OGA: variants seen among roughly 807,000 people sequenced by gnomAD.
The protein encoded by OGA is protein O-GlcNAcase.
OGA carries 21 observed loss-of-function variants against 102.0 expected under a neutral mutation model. That is an observed-to-expected ratio of 0.21 (90% CI 0.15 to 0.30). The LOEUF (loss-of-function observed/expected upper bound fraction) is 0.30, where lower values mean the gene tolerates loss of function less well. OGA is among the 10% of genes least tolerant of loss of function. The pLI, the probability that OGA is intolerant of heterozygous loss-of-function variation, is 1.00. For missense variants in OGA, 765 were observed against 1,107.8 expected (o/e 0.69, Z 4.39); for synonymous variants, 408 against 378.2 (o/e 1.08, Z -0.91).
intron 9 of OGA, 97 bp from the exon 10 acceptor site, chr10:101,798,251 G>C: frequency 9.0e-7 from 1 of 1,107,380 alleles, no homozygotes; most frequent in African/African-American, 1.6e-5. Flanking sequence ...GTCAGGTACT[G>C]GCAATTTATC....
chr10:101,813,223 AAAGC>A, intron 2 of OGA, 96 bp from the exon 3 acceptor site: 1 of 818,472 alleles, frequency 1.2e-6, no homozygotes, highest in African/African-American at 1.7e-5. Context: ...CATCTCATAC[AAAGC>A]TAATATTCTA....
At chr10:101,794,546 T>A (rs1353546797) in intron 10 of OGA, among the ~76,000 whole-genome samples, 2 of 152,026 alleles carry the variant, frequency 1.3e-5, no homozygotes, top group Non-Finnish European at 2.9e-5. Context: ...ATGAGAAAAA[T>A]TTTTTTGGAC....
intron 1 of OGA, among the ~76,000 whole-genome samples, chr10:101,817,203 A>G (rs1370223605): frequency 6.6e-6 from 1 of 152,236 alleles, no homozygotes; most frequent in African/African-American, 2.4e-5. Flanking sequence ...CTAAATTCCA[A>G]TTACGCATCT....
intron 13 of OGA, 98 bp from the exon 14 acceptor site, chr10:101,791,186 G>A (rs766456769): frequency 6.6e-5 from 88 of 1,332,778 alleles, no homozygotes; most frequent in South Asian, 3.1e-4. Flanking sequence ...ATGAACTTAC[G>A]GAACCTACAT....
At chr10:101,807,936 A>G (rs2065497532) in intron 4 of OGA, 35 bp from the exon 5 acceptor site, 2 of 1,445,360 alleles carry the variant, frequency 1.4e-6, no homozygotes, top group African/African-American at 2.9e-5. Flanking sequence ...TCAAGAGTAA[A>G]AAAATTAAGA....
At position 101,818,371 on chromosome 10, in the gene OGA, T is replaced by C; in HGVS notation, c.-349A>G. The stretch of plus-strand genomic sequence containing the variant: ...GCTGCCCTCCCGATAATCTTAGGTC[T>C]TCCGCTGTTTCCCCTCCAAGCCCCG... On this transcript the variant is annotated 5_prime_UTR_variant, in exon 1 of 16. Transcript: ENST00000361464. 9.5e-7 allele frequency: 1 copy of C among 1,051,752 alleles called. No individual in the cohort carries two copies. Among genetic ancestry groups the C allele is most frequent in the Non-Finnish European group, 1.1e-6 (1 of 871,458 alleles). The allele number at this position is 1,051,752 out of a possible 1,614,324, so 65.2% of individuals were successfully genotyped here. A position where few individuals can be genotyped will look rare whatever the true frequency, so the allele number is the denominator to read the frequency against.
At chr10:101,812,989 T>C (rs199624073) in intron 3 of OGA, 41 bp downstream of exon 3, 351 of 1,397,784 alleles carry the variant, frequency 2.5e-4, no homozygotes, top group Non-Finnish European at 3.2e-4. Context: ...AACCGTTTTC[T>C]TCACAGATTT....
intron 15 of OGA, among the ~76,000 whole-genome samples, chr10:101,787,010 G>A (rs889700802): frequency 6.6e-6 from 1 of 151,576 alleles, no homozygotes; most frequent in African/African-American, 2.4e-5. Context: ...GCCTCCCAAA[G>A]TGCTGCGTGA....
intron 5 of OGA, among the ~76,000 whole-genome samples, chr10:101,807,360 G>A (rs535520838): frequency 1.4e-4 from 21 of 152,280 alleles, no homozygotes; most frequent in Middle Eastern, 3.4e-3. Flanking sequence ...AGTGCAAAAA[G>A]GGACAGATAT....
At chr10:101,807,944 AG>A in intron 4 of OGA, 43 bp from the exon 5 acceptor site, 1 of 1,424,624 alleles carries the variant, frequency 7.0e-7, no homozygotes, top group Non-Finnish European at 9.3e-7. Context: ...AAAAAAATTA[AG>A]AATTCCAAAC....
At position 101,792,836 on chromosome 10, in the gene OGA, T is replaced by A. The variant is rs1282453275; in HGVS notation, c.2175+3A>T. On this transcript the variant is annotated splice_donor_region_variant and intron_variant, in intron 12 of 15. Transcript: ENST00000361464. ...CCAAGTTGGTAGGTAGAGAGACAAT[T>A]ACCTCATCCTTAGGAAAATAAGGTC... The A allele has an allele frequency of 6.3e-7, 1 of 1,580,486 alleles. No homozygotes were observed. Among genetic ancestry groups the A allele is most frequent in the African/African-American group, 1.3e-5 (1 of 74,144 alleles).
rs755204627 is a variant in OGA at position 101,800,275 on chromosome 10, A to G, written c.1162T>C (p.Leu388=). ...TGATGAGGCACACCAAACTCTTGCA[A>G]CCATTCTGTTAATGCTAGCTTTAGA... ...MALKLALTEW[L]QEFGVPHQYS... is the part of the protein sequence containing the mutation. The change falls in exon 8 of 16, where the codon TTG becomes CTG. Residue 388 remains leucine, a synonymous_variant. Coordinates refer to ENST00000361464, the MANE Select transcript of OGA (RefSeq NM_012215.5). 22 of 1,614,018 alleles carry G rather than the reference A, an allele frequency of 1.4e-5. No homozygotes were observed. The highest frequency in any genetic ancestry group is 1.9e-5 in the Non-Finnish European group (22 of 1,180,004).
rs117343627 is a variant in OGA at position 101,814,065 on chromosome 10, C to T, written c.200-459G>A. The stretch of plus-strand genomic sequence containing the variant: ...AGGGGAGGCCGGGTGAGGTGACCCA[C>T]GCCTGTAATCCCAGCACTTTGGGAG... On this transcript the variant is annotated intron_variant, in intron 1 of 15. Coordinates refer to ENST00000361464, the MANE Select transcript of OGA (RefSeq NM_012215.5). Among the ~76,000 whole-genome samples the T allele has an allele frequency of 4.1e-3, 626 of 151,046 alleles. 3 individuals carry two copies. Among genetic ancestry groups the T allele is most frequent in the Non-Finnish European group, 6.7e-3 (456 of 67,654 alleles).
chr10:101,815,432 C>G (rs926688757), intron 1 of OGA, among the ~76,000 whole-genome samples: 2 of 152,054 alleles, frequency 1.3e-5, no homozygotes, highest in Non-Finnish European at 2.9e-5. Flanking sequence ...TTACAGGAGC[C>G]CGCCACCACG....
At chr10:101,793,629 T>G in intron 11 of OGA, 1 of 274,462 alleles carries the variant, frequency 3.6e-6, no homozygotes, top group Non-Finnish European at 7.1e-6. Flanking sequence ...CATTGTGCAT[T>G]GCGGGCGCAG....
intron 5 of OGA, among the ~76,000 whole-genome samples, chr10:101,806,398 GT>G (rs1370949264): frequency 6.6e-6 from 1 of 152,184 alleles, no homozygotes; most frequent in Non-Finnish European, 1.5e-5. Flanking sequence ...TAGAGATGGG[GT>G]TTCACCATGC....
chr10:101,810,692 T>TTA (rs2065542940), intron 3 of OGA, among the ~76,000 whole-genome samples: 1 of 152,218 alleles, frequency 6.6e-6, no homozygotes, highest in Admixed American at 6.5e-5. Context: ...CTTACTGAAC[T>TTA]TAAGCCATTT....
intron 10 of OGA, 111 bp downstream of exon 10, chr10:101,797,869 T>C: frequency 9.2e-7 from 1 of 1,089,760 alleles, no homozygotes; most frequent in Non-Finnish European, 1.4e-6. Flanking sequence ...GGCAACGAAT[T>C]GAAGAGACTT....
chr10:101,816,991 A>C (rs188825840), intron 1 of OGA, among the ~76,000 whole-genome samples: 1 of 152,222 alleles, frequency 6.6e-6, no homozygotes, highest in African/African-American at 2.4e-5. Context: ...ATTCAAATAC[A>C]TGCTGTAACT....
Sources: allele counts gnomAD v4.1 joint callset (sites outside exome capture counted in the v4.1 genomes callset), GRCh38; gene constraint gnomAD v4.1.1; transcripts MANE v1.5; gene names NCBI Gene and HGNC (gene_info 2026-07-23, HGNC 2026-07-21).